PRUNE2: variants seen among roughly 807,000 people sequenced by gnomAD.
PRUNE2 encodes prune homolog 2 with BCH domain.
In PRUNE2, 164 loss-of-function variants were observed where a neutral mutation model predicts 252.0. The ratio of observed to expected loss-of-function variants is 0.65; its 90% CI spans 0.57 to 0.74. The LOEUF is 0.74. Ranked by LOEUF, PRUNE2 falls within the 30% of genes least tolerant of loss-of-function variation. The pLI is 0.00. For synonymous variants in PRUNE2, 1,292 were observed against 1,350.2 expected, an observed-to-expected ratio of 0.96 and a Z score of 0.94; for missense variants, 3,495 against 3,711.0, an observed-to-expected ratio of 0.94 and a Z score of 1.51.
At chr9:76,761,085 C>CAAA (rs34127776) in intron 6 of PRUNE2, among the ~76,000 whole-genome samples, 34,737 of 92,878 alleles carry the variant, frequency 0.37, 5,221 homozygotes, top group South Asian at 0.48. Context: ...GACTCTGTCT[C>CAAA]AAAAAAAAAA....
At chr9:76,829,320 T>C (rs759093735) in intron 4 of PRUNE2, among the ~76,000 whole-genome samples, 5 of 152,058 alleles carry the variant, frequency 3.3e-5, no homozygotes, top group Non-Finnish European at 5.9e-5. Context: ...CTGAAAAAAT[T>C]AGCAAATCTA....
At chr9:76,677,006 AAC>A (rs2042709690) in intron 9 of PRUNE2, among the ~76,000 whole-genome samples, 1 of 152,228 alleles carries the variant, frequency 6.6e-6, no homozygotes, top group African/African-American at 2.4e-5. Context: ...GATCTGTGCA[AAC>A]AGTGGGTATT....
intron 1 of PRUNE2, among the ~76,000 whole-genome samples, chr9:76,868,200 T>C (rs1416831900): frequency 2.0e-5 from 3 of 152,096 alleles, no homozygotes; most frequent in East Asian, 1.9e-4. Flanking sequence ...AGGCAGTAAA[T>C]GGTGGCATAG....
chr9:76,645,643 T>A (rs116829801), intron 11 of PRUNE2, among the ~76,000 whole-genome samples: 2,235 of 146,044 alleles, frequency 0.015, 55 homozygotes, highest in African/African-American at 0.053. Flanking sequence ...CTTGTGCATT[T>A]AAAAAAAAAA....
chr9:76,901,252 A>G (rs1207696870), intron 1 of PRUNE2, among the ~76,000 whole-genome samples: 5 of 152,232 alleles, frequency 3.3e-5, no homozygotes, highest in Non-Finnish European at 7.3e-5. Context: ...TTCATTCCTC[A>G]TCAGCCCCTA....
At chr9:76,640,131 A>G (rs1317441874) in intron 12 of PRUNE2, among the ~76,000 whole-genome samples, 1 of 152,228 alleles carries the variant, frequency 6.6e-6, no homozygotes, top group Non-Finnish European at 1.5e-5. Context: ...ATTTTCTTCA[A>G]GCTTTGAGTA....
chr9:76,816,245 G>A (rs1474687298), intron 6 of PRUNE2, among the ~76,000 whole-genome samples: 2 of 151,874 alleles, frequency 1.3e-5, no homozygotes, highest in Admixed American at 6.5e-5. Flanking sequence ...ATCTGTAGAA[G>A]GCACTACCTA....
At chr9:76,638,429 T>G (rs991328990) in intron 12 of PRUNE2, 141 bp from the exon 13 acceptor site, 13 of 625,864 alleles carry the variant, frequency 2.1e-5, no homozygotes, top group African/African-American at 2.0e-4. Flanking sequence ...TTATGTTGAC[T>G]ATAGGTCTGT....
intron 1 of PRUNE2, among the ~76,000 whole-genome samples, chr9:76,867,194 C>T (rs1396597254): frequency 6.6e-6 from 1 of 151,806 alleles, no homozygotes; most frequent in African/African-American, 2.4e-5. Context: ...CCCACAACAC[C>T]ATCAACCCCC....
intron 9 of PRUNE2, among the ~76,000 whole-genome samples, chr9:76,666,925 A>T (rs970057443): frequency 6.6e-6 from 1 of 152,134 alleles, no homozygotes; most frequent in African/African-American, 2.4e-5. Flanking sequence ...GCATGCCTGT[A>T]ATCCCGGGTA....
At chr9:76,619,960 A>G (rs2131977611) in intron 17 of PRUNE2, among the ~76,000 whole-genome samples, 1 of 152,328 alleles carries the variant, frequency 6.6e-6, no homozygotes, top group East Asian at 1.9e-4. Context: ...TATGCCCAGA[A>G]AACAAATGTA....
intron 18 of PRUNE2, among the ~76,000 whole-genome samples, chr9:76,616,979 CATAA>C (rs879485187): frequency 3.3e-4 from 50 of 150,812 alleles, no homozygotes; most frequent in Admixed American, 1.1e-3. Context: ...TAAATAAATA[CATAA>C]ATAAATAAAT....
chr9:76,665,347 C>T (rs1245850177), intron 9 of PRUNE2, among the ~76,000 whole-genome samples: 3 of 152,068 alleles, frequency 2.0e-5, no homozygotes, highest in Admixed American at 1.3e-4. Flanking sequence ...CCCACAGAAT[C>T]GGGATCTGGG....
At chr9:76,767,026 C>G (rs1329108685) in intron 6 of PRUNE2, among the ~76,000 whole-genome samples, 6 of 152,204 alleles carry the variant, frequency 3.9e-5, no homozygotes, top group Admixed American at 3.9e-4. Context: ...CTTAACCTTG[C>G]CTGTCTTATT....
intron 6 of PRUNE2, among the ~76,000 whole-genome samples, chr9:76,803,484 T>A (rs1007931855): frequency 3.3e-5 from 5 of 152,172 alleles, no homozygotes; most frequent in South Asian, 2.1e-4. Context: ...CCAATCCCCA[T>A]GATTTTTTCT....
At chr9:76,638,418 A>G (rs980448481) in intron 12 of PRUNE2, 130 bp from the exon 13 acceptor site, 2 of 648,172 alleles carry the variant, frequency 3.1e-6, no homozygotes, top group African/African-American at 1.8e-5. Context: ...TGAAATGGGG[A>G]TTATGTTGAC....
intron 15 of PRUNE2, among the ~76,000 whole-genome samples, chr9:76,632,673 T>C (rs930082304): frequency 2.0e-5 from 3 of 152,124 alleles, no homozygotes; most frequent in African/African-American, 7.2e-5. Context: ...TCCTCCTATC[T>C]CTGCCTCTGG....
chr9:76,776,316 T>C (rs1350891248), intron 6 of PRUNE2, among the ~76,000 whole-genome samples: 3 of 151,906 alleles, frequency 2.0e-5, no homozygotes, highest in South Asian at 2.1e-4. Flanking sequence ...GACTCTCCGA[T>C]GTTATTATTT....
At position 76,647,400 on chromosome 9, in the gene PRUNE2, C is replaced by A. The variant is rs191656457; in HGVS notation, c.8558-2491G>T. Among the ~76,000 whole-genome samples, 303 of 152,166 alleles carry A rather than the reference C, an allele frequency of 2.0e-3. 1 individual carries two copies. The highest frequency in any genetic ancestry group is 7.0e-3 in the African/African-American group (292 of 41,532). The stretch of plus-strand genomic sequence containing the variant: ...AAGTTAATTGAAAATGGATCATAGA[C>A]CTAAATGTAAAATTCAAAACTGTAA... On this transcript the variant is annotated intron_variant, in intron 11 of 18. Coordinates refer to ENST00000376718, the MANE Select transcript of PRUNE2 (RefSeq NM_015225.3).
Sources: gnomAD v4.1 joint callset for allele counts (sites outside exome capture counted in the v4.1 genomes callset) on GRCh38, gnomAD v4.1.1 for gene constraint, MANE v1.5 for transcripts, NCBI Gene and HGNC (gene_info 2026-07-23, HGNC 2026-07-21) for gene names.